NECAB3: variants seen among roughly 807,000 people sequenced by gnomAD.
The protein encoded by NECAB3 is N-terminal EF-hand calcium-binding protein 3.
A neutral mutation model predicts 57.2 loss-of-function variants in NECAB3; 38 were observed. The ratio of observed to expected loss-of-function variants is 0.66; its 90% confidence interval spans 0.51 to 0.87. NECAB3 has a LOEUF of 0.87. Among genes scored for constraint, NECAB3 ranks in the 40% least tolerant of loss-of-function variants. NECAB3 has a pLI of 0.00. For missense variants in NECAB3, 474 were observed against 527.5 expected (o/e 0.90, Z 0.99); for synonymous variants, 223 against 222.6 (o/e 1.00, Z -0.02).
At chr20:33,670,533 T>C in intron 3 of NECAB3, 151 bp downstream of exon 3, 1 of 547,668 alleles carries the variant, frequency 1.8e-6, no homozygotes, top group Non-Finnish European at 3.2e-6. Context: ...GGAGAGGGGG[T>C]AGGCAGGCGG....
At chr20:33,670,905 C>T in intron 2 of NECAB3, 113 bp from the exon 3 acceptor site, 1 of 698,966 alleles carries the variant, frequency 1.4e-6, no homozygotes, top group Non-Finnish European at 2.4e-6. Flanking sequence ...AACCATCTAG[C>T]TAGGTGAGAT....
intron 1 of NECAB3, 28 bp from the exon 2 acceptor site, chr20:33,672,450 C>A: frequency 6.2e-7 from 1 of 1,613,962 alleles, no homozygotes; most frequent in Non-Finnish European, 8.5e-7. Flanking sequence ...ATAGAGAGAA[C>A]TGTGAGTGCC....
chr20:33,659,942 G>C lies in NECAB3; in HGVS notation c.586C>G (p.Arg196Gly), dbSNP rs773780806. Reference protein sequence around the residue: ...RLCGSRRAGRRALRSVSRSST... With the variant: ...RLCGSRRAGRGALRSVSRSST... ...GACCGGCTGACACTCCTCAGGGCTCGGCGTCCTGCCCGCCGGCTGCCGCAG... is the reference window on the plus strand; with the variant it reads ...GACCGGCTGACACTCCTCAGGGCTCCGCGTCCTGCCCGCCGGCTGCCGCAG... The change falls in exon 7 of 12, where the codon CGA becomes GGA. Residue 196 changes from arginine to glycine, a missense_variant. Arg to Gly is a moderately radical substitution (Grantham distance 125). Transcript: ENST00000246190. 2.0e-5 allele frequency: 31 copies of C among 1,553,318 alleles called. No homozygotes were observed. The highest frequency in any genetic ancestry group is 2.4e-5 in the South Asian group (2 of 84,742).
At chr20:33,668,112 T>G (rs1385678487) in intron 5 of NECAB3, 1 of 1,609,462 alleles carries the variant, frequency 6.2e-7, no homozygotes, top group Non-Finnish European at 8.5e-7. Flanking sequence ...AGCATGGGCG[T>G]GGCATGGCTG....
At chr20:33,672,351 G>A (rs1348392068) in intron 2 of NECAB3, 47 bp downstream of exon 2, 1 of 1,612,132 alleles carries the variant, frequency 6.2e-7, no homozygotes, top group Non-Finnish European at 8.5e-7. Context: ...CCTCCTGGAT[G>A]CCTCCCACCC....
At chr20:33,659,394 T>G in intron 8 of NECAB3, 103 bp downstream of exon 8, 1 of 1,029,646 alleles carries the variant, frequency 9.7e-7, no homozygotes, top group Non-Finnish European at 1.4e-6. Context: ...GCGGGGCACA[T>G]GCGCACTGCA....
At chr20:33,666,328 C>A (rs1333175521) in intron 5 of NECAB3, among the ~76,000 whole-genome samples, 1 of 152,324 alleles carries the variant, frequency 6.6e-6, no homozygotes, top group East Asian at 1.9e-4. Context: ...TGAAGCCAGA[C>A]CCCTGGATGC....
At chr20:33,672,089 C>G (rs1411089308) in intron 2 of NECAB3, 1 of 453,780 alleles carries the variant, frequency 2.2e-6, no homozygotes, top group African/African-American at 2.0e-5. Context: ...GAATTCCAAT[C>G]TAGCTGGTGG....
intron 3 of NECAB3, chr20:33,670,361 T>G (rs1315230311): frequency 1.6e-5 from 5 of 306,138 alleles, no homozygotes; most frequent in Non-Finnish European, 3.0e-5. Flanking sequence ...TGCGTGTTTA[T>G]GCACTGCATT....
intron 5 of NECAB3, chr20:33,663,329 G>A (rs767925983): frequency 6.9e-6 from 4 of 577,298 alleles, no homozygotes; most frequent in South Asian, 4.3e-5. Flanking sequence ...GGAGTCCGGG[G>A]CGCCACGCAG....
chr20:33,661,559 G>A (rs2017477008), intron 5 of NECAB3, among the ~76,000 whole-genome samples: 1 of 152,222 alleles, frequency 6.6e-6, no homozygotes, highest in South Asian at 2.1e-4. Context: ...TCCTTTTTGG[G>A]TATTTGAGAT....
At chr20:33,661,309 A>G (rs2017469140) in intron 5 of NECAB3, among the ~76,000 whole-genome samples, 1 of 151,930 alleles carries the variant, frequency 6.6e-6, no homozygotes, top group Admixed American at 6.6e-5. Flanking sequence ...ACACACACAC[A>G]CGCATCAGGG....
rs2017330181 is a variant in NECAB3 at position 33,657,787 on chromosome 20, G to C, written c.*42C>G. 5.3e-6 allele frequency: 8 copies of C among 1,497,638 alleles called. No homozygotes were observed. In the East Asian group the frequency reaches 2.0e-4, roughly 37 times the overall value. 92.8% of individuals were successfully genotyped at this position (1,497,638 alleles called of 1,614,324 possible). A position where few individuals can be genotyped will look rare whatever the true frequency, so the allele number is the denominator to read the frequency against. ...GCCAGTCCAGAAGGCTCCAGAGGGA[G>C]GCAGGCAGGGTCCCGGGGCCCTCGG... On this transcript the variant is annotated 3_prime_UTR_variant, in exon 12 of 12. Transcript: ENST00000246190.
chr20:33,667,558 G>T, intron 5 of NECAB3: 1 of 1,554,144 alleles, frequency 6.4e-7, no homozygotes. Context: ...GCTGGCCGTG[G>T]AGGCGGGCGC....
At chr20:33,665,167 C>CA (rs2122493271) in intron 5 of NECAB3, 1 of 152,350 alleles carries the variant, frequency 6.6e-6, no homozygotes, top group South Asian at 2.1e-4. Context: ...CAGGCTAAGC[C>CA]AGCCTTCAGA....
At chr20:33,669,053 C>A (rs185111268) in intron 5 of NECAB3, 230 of 316,382 alleles carry the variant, frequency 7.3e-4, no homozygotes, top group African/African-American at 4.7e-3. Flanking sequence ...GCAACTAAAG[C>A]AACAGCAGCC....
In NECAB3 at chr20:33,667,528, T is replaced by C. The variant is rs1464539542; in HGVS notation, c.387+1847A>G. ...TAGCACCGCGTTGCTGGCGCTCTGC[T>C]CCACCGGCGCGTTCAGCGGGCTGGC... On this transcript the variant is annotated intron_variant, in intron 5 of 11. Coordinates refer to ENST00000246190, the MANE Select transcript of NECAB3 (RefSeq NM_031232.4). 7.2e-6 allele frequency: 11 copies of C among 1,536,526 alleles called. No homozygotes were observed. In the East Asian group the frequency reaches 2.7e-4, roughly 37 times the overall value.
In NECAB3 at chr20:33,662,276, T is replaced by C. The variant is rs904819735; in HGVS notation, c.388-1881A>G. The C allele has an allele frequency of 5.6e-5, 86 of 1,529,948 alleles. 2 individuals are homozygous for C. The Admixed American group carries it at 1.2e-3, about 21-fold the overall frequency. 94.8% of individuals were successfully genotyped at this position (1,529,948 alleles called of 1,614,324 possible). ...GTGAGGTCAGCCCGTGAGGTCACAA[T>C]GTTGCCAGGGCCCAGGGGGCAGAGC... On this transcript the variant is annotated intron_variant, in intron 5 of 11. Transcript: ENST00000246190.
chr20:33,667,983 C>G, intron 5 of NECAB3: 1 of 1,548,234 alleles, frequency 6.5e-7, no homozygotes, highest in Non-Finnish European at 8.7e-7. Context: ...TGGCAGACAC[C>G]GTGGTGCTAG....
Sources: allele counts gnomAD v4.1 joint callset (sites outside exome capture counted in the v4.1 genomes callset), GRCh38; gene constraint gnomAD v4.1.1; transcripts MANE v1.5; gene names NCBI Gene and HGNC (gene_info 2026-07-23, HGNC 2026-07-21).